NTN1: variants seen among roughly 807,000 people sequenced by gnomAD.
The protein encoded by NTN1 is netrin-1.
In NTN1, 11 loss-of-function variants were observed where a neutral mutation model predicts 54.2. The observed-to-expected ratio is 0.20, with a 90% confidence interval of 0.13 to 0.34. NTN1 has a LOEUF of 0.34. Ranked by LOEUF, NTN1 falls within the 10% of genes least tolerant of loss-of-function variation. The pLI, the probability that NTN1 is intolerant of heterozygous loss-of-function variation, is 1.00. For missense variants in NTN1, 740 were observed against 893.1 expected (o/e 0.83, Z 2.18); for synonymous variants, 371 against 382.0 (o/e 0.97, Z 0.33).
At chr17:9,204,997 A>G (rs1904932109) in intron 5 of NTN1, among the ~76,000 whole-genome samples, 1 of 150,970 alleles carries the variant, frequency 6.6e-6, no homozygotes. Flanking sequence ...CAGGTTTCAC[A>G]CTTTCTTCTT....
intron 3 of NTN1, among the ~76,000 whole-genome samples, chr17:9,169,215 A>G (rs1382646454): frequency 6.6e-6 from 1 of 152,218 alleles, no homozygotes; most frequent in Non-Finnish European, 1.5e-5. Context: ...TGGCCTCTGA[A>G]TCCCTTCCAG....
Position 9,188,243 on chromosome 17 carries a change from A to G in NTN1, c.1411+5274A>G, listed in dbSNP as rs550095066. Among the ~76,000 whole-genome samples the G allele has an allele frequency of 1.6e-4, 25 of 152,278 alleles. No individual in the cohort carries two copies. In the Middle Eastern group the frequency reaches 0.01, roughly 62 times the overall value. ...CAGGAATTCGAGACCAGCCTTACCA[A>G]CATGGTGAAACCCCATCTCTACTAA... On this transcript the variant is annotated intron_variant, in intron 5 of 6. Transcript: ENST00000173229.
rs1160517048 is a variant in NTN1, at chr17:9,162,893, G to A, written c.1099G>A (p.Val367Ile). ...GCTTTCGGGGCGCAAGAGCGGAGGT[G>A]TCTGCCTCAACTGTCGCCACAACAC... ...YKLSGRKSGG[V>I]CLNCRHNTAG... is the part of the protein sequence containing the mutation. Residue 367 changes from valine to isoleucine, a missense_variant, in exon 3 of 7, where the codon GTC (valine) becomes ATC (isoleucine). Val to Ile is a conservative substitution (Grantham distance 29, BLOSUM62 3). Transcript: ENST00000173229. The A allele has an allele frequency of 3.1e-6, 5 of 1,613,926 alleles. No individual in the cohort carries two copies. The highest frequency in any genetic ancestry group is 1.6e-4 in the Middle Eastern group (1 of 6,068).
chr17:9,235,862 C>G (rs1213092313), intron 6 of NTN1, among the ~76,000 whole-genome samples: 1 of 151,416 alleles, frequency 6.6e-6, no homozygotes, highest in East Asian at 2.0e-4. Context: ...TCAAGCAATT[C>G]TGCCTCAGCC....
intron 5 of NTN1, among the ~76,000 whole-genome samples, chr17:9,186,075 T>C (rs538327692): frequency 6.6e-6 from 1 of 152,200 alleles, no homozygotes; most frequent in South Asian, 2.1e-4. Flanking sequence ...GATCCACTTC[T>C]CCCACATCCC....
rs1040618311 is a variant in NTN1, at chr17:9,243,757, T to C, written c.*3789T>C. 4 of 152,180 alleles carry C rather than the reference T, an allele frequency of 2.6e-5. No homozygotes were observed. Among genetic ancestry groups the C allele is most frequent in the African/African-American group, 9.7e-5 (4 of 41,432 alleles). The allele number at this position is 152,180 out of a possible 1,614,324, so 9.4% of individuals were successfully genotyped here. Reference sequence around the variant, plus strand: ...CTGTTCACTCAGAATTGTAAATGTTTAGTTGTGACCATGACGTATTGTTTG... The same window carrying C: ...CTGTTCACTCAGAATTGTAAATGTTCAGTTGTGACCATGACGTATTGTTTG... On this transcript the variant is annotated 3_prime_UTR_variant, in exon 7 of 7. Coordinates refer to ENST00000173229, the MANE Select transcript of NTN1 (RefSeq NM_004822.3).
intron 2 of NTN1, among the ~76,000 whole-genome samples, chr17:9,108,440 G>A (rs1431863693): frequency 6.6e-6 from 1 of 152,208 alleles, no homozygotes; most frequent in Admixed American, 6.5e-5. Context: ...CTGTGAGGAA[G>A]TCTGGGGAGG....
At chr17:9,069,827 T>C (rs1358796854) in intron 2 of NTN1, among the ~76,000 whole-genome samples, 1 of 152,224 alleles carries the variant, frequency 6.6e-6, no homozygotes, top group African/African-American at 2.4e-5. Context: ...CTCCTATTTG[T>C]GATCTTGATG....
intron 2 of NTN1, among the ~76,000 whole-genome samples, chr17:9,125,524 G>T (rs1450894113): frequency 6.6e-6 from 1 of 151,976 alleles, no homozygotes; most frequent in African/African-American, 2.4e-5. Flanking sequence ...CACTGCACCT[G>T]GCTGATTGGC....
intron 2 of NTN1, among the ~76,000 whole-genome samples, chr17:9,027,881 G>A (rs1275683703): frequency 6.6e-6 from 1 of 152,114 alleles, no homozygotes; most frequent in Non-Finnish European, 1.5e-5. Flanking sequence ...AGGTGGCGAA[G>A]CTGAGCTGTG....
At chr17:9,125,759 C>G (rs2092245409) in intron 2 of NTN1, among the ~76,000 whole-genome samples, 2 of 152,216 alleles carry the variant, frequency 1.3e-5, no homozygotes, top group African/African-American at 2.4e-5. Context: ...GCGTGAGCCA[C>G]CATGCCCGGC....
chr17:9,131,873 G>A (rs140055608), intron 2 of NTN1, among the ~76,000 whole-genome samples: 4,328 of 151,746 alleles, frequency 0.029, 77 homozygotes, highest in South Asian at 0.066. Context: ...GCATGATCTC[G>A]ACTCACTGCA....
intron 4 of NTN1, 65 bp from the exon 5 acceptor site, chr17:9,182,851 A>G (rs763559882): frequency 3.2e-5 from 50 of 1,559,328 alleles, no homozygotes; most frequent in Non-Finnish European, 4.4e-5. Context: ...TTCTAAAGTC[A>G]AAAAATCATG....
chr17:9,011,401 C>T, the NTN1 span, among the ~76,000 whole-genome samples: 2 of 152,178 alleles, frequency 1.3e-5, no homozygotes, highest in Non-Finnish European at 2.9e-5. Flanking sequence ...CAGCTTTATC[C>T]TCTTCTGTCT....
At chr17:9,043,185 C>T (rs540650696) in intron 2 of NTN1, among the ~76,000 whole-genome samples, 4 of 152,114 alleles carry the variant, frequency 2.6e-5, no homozygotes, top group African/African-American at 4.8e-5. Flanking sequence ...GCTATATCAC[C>T]TTTCTAATTG....
intron 5 of NTN1, among the ~76,000 whole-genome samples, chr17:9,203,167 T>C (rs55649703): frequency 0.36 from 55,432 of 151,918 alleles, 10,887 homozygotes; most frequent in African/African-American, 0.52. Flanking sequence ...GTGATCCGCC[T>C]GCCTTGGCCT....
chr17:9,019,526 T>C (rs1394367372), upstream of NTN1, among the ~76,000 whole-genome samples: 1 of 152,240 alleles, frequency 6.6e-6, no homozygotes, highest in Non-Finnish European at 1.5e-5. Flanking sequence ...TGAGAAAGCC[T>C]ATTTATATGT....
chr17:9,114,379 A>G (rs1472697301), intron 2 of NTN1, among the ~76,000 whole-genome samples: 1 of 151,550 alleles, frequency 6.6e-6, no homozygotes, highest in Admixed American at 6.6e-5. Context: ...ACTTTTAATT[A>G]CAAAATGCAT....
upstream of NTN1, among the ~76,000 whole-genome samples, chr17:9,017,194 T>C (rs1301984054): frequency 6.6e-6 from 1 of 152,144 alleles, no homozygotes; most frequent in Non-Finnish European, 1.5e-5. Flanking sequence ...CAACCTTCCC[T>C]CAATCCTATG....
Sources: gnomAD v4.1 joint callset for allele counts (sites outside exome capture counted in the v4.1 genomes callset) on GRCh38, gnomAD v4.1.1 for gene constraint, MANE v1.5 for transcripts, NCBI Gene and HGNC (gene_info 2026-07-23, HGNC 2026-07-21) for gene names.